Variants in TRPM3 observed in about 807,000 individuals in gnomAD.
TRPM3 encodes long transient receptor potential channel 3.
A neutral mutation model predicts 181.2 loss-of-function variants in TRPM3; 77 were observed. That is an observed-to-expected ratio of 0.42 (90% CI 0.35 to 0.51). The LOEUF (loss-of-function observed/expected upper bound fraction) is 0.51, where lower values mean the gene tolerates loss of function less well. Among genes scored for constraint, TRPM3 ranks in the 20% least tolerant of loss-of-function variants. The probability of loss-of-function intolerance (pLI) is 0.01; values close to 1 mark genes in which losing one functional copy is unlikely to be tolerated. For missense variants in TRPM3, 1,759 were observed against 2,196.7 expected (o/e 0.80, Z 3.98); for synonymous variants, 745 against 796.4 (o/e 0.94, Z 1.09).
chr9:71,125,378 G>A (rs2073966718), upstream of TRPM3, among the ~76,000 whole-genome samples: 1 of 152,076 alleles, frequency 6.6e-6, no homozygotes, highest in Non-Finnish European at 1.5e-5. Flanking sequence ...CCCCGTATGT[G>A]TTGTTACCCT....
At chr9:71,175,099 G>A (rs771319161) in intron 1 of TRPM3, among the ~76,000 whole-genome samples, 11 of 152,200 alleles carry the variant, frequency 7.2e-5, no homozygotes, top group Non-Finnish European at 1.0e-4. Context: ...GACCAGAGAT[G>A]CAGAGCAGTT....
chr9:70,916,904 A>T (rs2096601117), intron 1 of TRPM3: 1 of 829,920 alleles, frequency 1.2e-6, no homozygotes, highest in Non-Finnish European at 1.9e-6. Context: ...TGGGGAGGCA[A>T]GTGGTTCACT....
At chr9:71,369,432 G>C (rs1387471841) in intron 1 of TRPM3, among the ~76,000 whole-genome samples, 1 of 152,140 alleles carries the variant, frequency 6.6e-6, no homozygotes, top group African/African-American at 2.4e-5. Context: ...AACAAAAATA[G>C]TGACTCTAAT....
intron 1 of TRPM3, among the ~76,000 whole-genome samples, chr9:71,139,112 A>C (rs2074946669): frequency 6.6e-6 from 1 of 152,186 alleles, no homozygotes; most frequent in South Asian, 2.1e-4. Flanking sequence ...TACTAGAATC[A>C]CTAAATACAT....
chr9:71,012,684 TC>T (rs1362356588), intron 1 of TRPM3, among the ~76,000 whole-genome samples: 1 of 151,928 alleles, frequency 6.6e-6, no homozygotes, highest in Non-Finnish European at 1.5e-5. Context: ...ATCATATTAT[TC>T]CTTTTAATTC....
intron 1 of TRPM3, among the ~76,000 whole-genome samples, chr9:71,082,622 T>A (rs1392767369): frequency 6.6e-6 from 1 of 152,196 alleles, no homozygotes; most frequent in Non-Finnish European, 1.5e-5. Context: ...ACACACTCCA[T>A]AAGATGCATT....
At chr9:70,900,323 A>G (rs980866808) in intron 1 of TRPM3, among the ~76,000 whole-genome samples, 2 of 152,170 alleles carry the variant, frequency 1.3e-5, no homozygotes, top group Admixed American at 6.5e-5. Context: ...CATGGGTGAC[A>G]GAGTGAGACT....
chr9:71,144,123 T>A (rs976797070), intron 1 of TRPM3, among the ~76,000 whole-genome samples: 5 of 152,198 alleles, frequency 3.3e-5, no homozygotes, highest in African/African-American at 9.6e-5. Flanking sequence ...CCTTAAACCA[T>A]AATATTCCTT....
intron 1 of TRPM3, among the ~76,000 whole-genome samples, chr9:70,953,502 A>G (rs1408284285): frequency 6.6e-6 from 1 of 152,084 alleles, no homozygotes; most frequent in Admixed American, 6.6e-5. Context: ...CTGAGCACAC[A>G]CTCTTTTTGG....
intron 1 of TRPM3, among the ~76,000 whole-genome samples, chr9:71,332,793 T>C (rs1483698800): frequency 6.7e-6 from 1 of 150,138 alleles, no homozygotes; most frequent in Non-Finnish European, 1.5e-5. Flanking sequence ...TTTAAATGTA[T>C]GTGCAAAGTG....
chr9:70,864,525 C>CAAAG lies in TRPM3; in HGVS notation c.178-15_178-14insCTTT. 1 of 892,074 alleles carries CAAAG rather than the reference C, an allele frequency of 1.1e-6. No individual in the cohort carries two copies. The highest frequency in any genetic ancestry group is 1.5e-6 in the Non-Finnish European group (1 of 686,442). 55.3% of individuals were successfully genotyped at this position (892,074 alleles called of 1,614,324 possible). A position where few individuals can be genotyped will look rare whatever the true frequency, so the allele number is the denominator to read the frequency against. On this transcript the variant is annotated splice_polypyrimidine_tract_variant and intron_variant, in intron 1 of 25. Transcript: ENST00000677713. ...GGATTTCTGAGCCTGAAAAAGAAAA[C>CAAAG]AAAAAAAAAAAAAAAAGAAAAAAGA... is the stretch of plus-strand genomic sequence containing the variant.
At chr9:70,628,922 T>C (rs1474254204) in intron 12 of TRPM3, among the ~76,000 whole-genome samples, 1 of 151,276 alleles carries the variant, frequency 6.6e-6, no homozygotes, top group Admixed American at 6.6e-5. Context: ...GTTAGAATTC[T>C]AAAAATAAGA....
rs2090525527 is a variant in TRPM3, at chr9:71,335,946, G to GA, written c.183+110706dup. 2.6e-5 allele frequency among the ~76,000 whole-genome samples: 4 copies of GA among 152,232 alleles called. No individual in the cohort carries two copies. The South Asian group carries it at 6.2e-4, about 24-fold the overall frequency. On this transcript the variant is annotated intron_variant, in intron 1 of 24. Transcript: ENST00000357533. ...AGAAAAATCATCATGGAGTCCGTGA[G>GA]ATTGATCAGTCCAGGAGAAAAATAT...
At chr9:71,010,932 T>TACACACACAC in intron 1 of TRPM3, among the ~76,000 whole-genome samples, 1 of 147,200 alleles carries the variant, frequency 6.8e-6, no homozygotes, top group African/African-American at 2.6e-5. Flanking sequence ...CACACACACA[T>TACACACACAC]ACACACACAC....
chr9:71,304,129 A>G (rs985602470), intron 1 of TRPM3, among the ~76,000 whole-genome samples: 1 of 152,224 alleles, frequency 6.6e-6, no homozygotes, highest in South Asian at 2.1e-4. Context: ...TGCACACATA[A>G]TTGATGCAAC....
intron 1 of TRPM3, among the ~76,000 whole-genome samples, chr9:71,109,937 CA>C (rs1026243500): frequency 1.3e-5 from 2 of 152,120 alleles, no homozygotes; most frequent in African/African-American, 4.8e-5. Flanking sequence ...AAGCACCTTT[CA>C]AATGTTAAGC....
At chr9:71,312,556 A>G (rs969631649) in intron 1 of TRPM3, among the ~76,000 whole-genome samples, 1 of 152,168 alleles carries the variant, frequency 6.6e-6, no homozygotes, top group Non-Finnish European at 1.5e-5. Context: ...TACACATTTA[A>G]TCAAATGAAT....
At chr9:71,428,253 G>A (rs1206126966) in intron 1 of TRPM3, among the ~76,000 whole-genome samples, 7 of 148,198 alleles carry the variant, frequency 4.7e-5, no homozygotes, top group Middle Eastern at 3.6e-3. Context: ...CACCATGCCC[G>A]GCTTTTTTTT....
intron 25 of TRPM3, among the ~76,000 whole-genome samples, chr9:70,540,118 A>G (rs1461955041): frequency 1.3e-5 from 2 of 152,212 alleles, no homozygotes; most frequent in Non-Finnish European, 2.9e-5. Context: ...TATTACAGGC[A>G]TGAGCCACTG....
Sources: allele counts gnomAD v4.1 joint callset (sites outside exome capture counted in the v4.1 genomes callset), GRCh38; gene constraint gnomAD v4.1.1; transcripts MANE v1.5; gene names NCBI Gene and HGNC (gene_info 2026-07-23, HGNC 2026-07-21).